Variants in SOWAHA observed in about 807,000 individuals in gnomAD.
The protein encoded by SOWAHA is sosondowah ankyrin repeat domain family member A.
A neutral mutation model predicts 21.1 loss-of-function variants in SOWAHA; 17 were observed. That is an observed-to-expected ratio of 0.80 (90% CI 0.55 to 1.21). The LOEUF is 1.21. Ranked by LOEUF, SOWAHA falls within the 50% of genes most tolerant of loss-of-function variation. SOWAHA has a pLI of 0.00. For missense variants in SOWAHA, 862 were observed against 816.0 expected, an observed-to-expected ratio of 1.06 and a Z score of -0.69; for synonymous variants, 422 against 397.1, an observed-to-expected ratio of 1.06 and a Z score of -0.75.
rs1045187109 is a variant in SOWAHA, at chr5:132,815,813, T to C, written c.*542T>C. The C allele has an allele frequency of 1.2e-5, 2 of 166,902 alleles. No homozygotes were observed. The highest frequency in any genetic ancestry group is 1.3e-4 in the Admixed American group (2 of 15,292). 10.3% of individuals were successfully genotyped at this position (166,902 alleles called of 1,614,324 possible). A position where few individuals can be genotyped will look rare whatever the true frequency, so the allele number is the denominator to read the frequency against. On this transcript the variant is annotated 3_prime_UTR_variant, in exon 1 of 1. Coordinates refer to ENST00000378693, the MANE Select transcript of SOWAHA (RefSeq NM_175873.6). ...AAAGTGCTTAGACATTTTCAATTTT[T>C]TTTTTGCTAAATACTTTGGAATTCT...
In SOWAHA at chr5:132,815,305, G is replaced by A; in HGVS notation, c.*34G>A. ...GGGGCTACCACCTGGTTGATCTATCGTGGCCTGCTCGTCGCAGTCCAAACC... is the reference window on the plus strand; with the variant it reads ...GGGGCTACCACCTGGTTGATCTATCATGGCCTGCTCGTCGCAGTCCAAACC... On this transcript the variant is annotated 3_prime_UTR_variant, in exon 1 of 1. Transcript: ENST00000378693. 6.4e-7 allele frequency: 1 copy of A among 1,566,798 alleles called. No homozygotes were observed. The highest frequency in any genetic ancestry group is 1.4e-5 in the African/African-American group (1 of 73,854).
At position 132,813,721 on chromosome 5, in the gene SOWAHA, G is replaced by A. The variant is rs1470085100; in HGVS notation, c.100G>A (p.Glu34Lys). 8 of 1,543,526 alleles carry A rather than the reference G, an allele frequency of 5.2e-6. No individual in the cohort carries two copies. In the Admixed American group the frequency reaches 1.6e-4, roughly 30 times the overall value. ...GCACGGCGGGAAGGTGCGCAACTCC[G>A]AGCTGCTGAGCCGCTTCAAGCCGCT... is the stretch of plus-strand genomic sequence containing the variant. ...QEHGGKVRNS[E>K]LLSRFKPLLD... The change falls in exon 1 of 1, where the codon GAG (glutamate) becomes AAG (lysine). Residue 34 changes from glutamate to lysine, a missense_variant. Coordinates refer to ENST00000378693, the MANE Select transcript of SOWAHA (RefSeq NM_175873.6).
chr5:132,814,085 C>T lies in SOWAHA; in HGVS notation c.464C>T (p.Pro155Leu). ...GGGCCGGCCTCCGAGCCCGCTCAGCCGCCCGGGGAGCGGTCCGCCGACCCA... is the reference window on the plus strand; with the variant it reads ...GGGCCGGCCTCCGAGCCCGCTCAGCTGCCCGGGGAGCGGTCCGCCGACCCA... ...PGGPASEPAQPPGERSADPPL... is the reference protein window; with the variant it reads ...PGGPASEPAQLPGERSADPPL... Residue 155 changes from proline (P) to leucine (L), a missense_variant, in exon 1 of 1, where the codon CCG becomes CTG. Pro to Leu is a moderately conservative substitution (Grantham distance 98). Coordinates refer to ENST00000378693, the MANE Select transcript of SOWAHA (RefSeq NM_175873.6). The T allele has an allele frequency of 1.3e-6, 2 of 1,586,906 alleles. No homozygotes were observed. Among genetic ancestry groups the T allele is most frequent in the Non-Finnish European group, 1.7e-6 (2 of 1,172,702 alleles).
chr5:132,814,323 G>A lies in SOWAHA; in HGVS notation c.702G>A (p.Ala234=), dbSNP rs1758349231. The change falls in exon 1 of 1, where the codon GCG becomes GCA. Residue 234 remains alanine, a synonymous_variant. Transcript: ENST00000378693. ...CCCCCGCCACGCTCCGCCTCCGGGC[G>A]GAGGAGCCCGGCCTGCGCCGGCAGC... is the stretch of plus-strand genomic sequence containing the variant. ...VPAPATLRLR[A]EEPGLRRQLS... is the part of the protein sequence containing the mutation. 2 of 1,484,962 alleles carry A rather than the reference G, an allele frequency of 1.3e-6. No individual in the cohort carries two copies. The highest frequency in any genetic ancestry group is 1.5e-5 in the African/African-American group (1 of 68,010). The allele number at this position is 1,484,962 out of a possible 1,614,324, so 92.0% of individuals were successfully genotyped here. A position where few individuals can be genotyped will look rare whatever the true frequency, so the allele number is the denominator to read the frequency against.
Position 132,814,974 on chromosome 5 carries a change from G to A in SOWAHA, c.1353G>A (p.Ala451=). The A allele has an allele frequency of 1.3e-6, 2 of 1,588,940 alleles. No homozygotes were observed. Among genetic ancestry groups the A allele is most frequent in the Non-Finnish European group, 8.6e-7 (1 of 1,168,392 alleles). ...TGCGAGGCACCACGGAGCCAGATGC[G>A]ACCGGTGGTGGAAGTGGCAGTCTTG... ...PGLRGTTEPD[A]TGGGSGSLAA... Residue 451 remains alanine, a synonymous_variant, in exon 1 of 1, where the codon GCG becomes GCA. Transcript: ENST00000378693.
Position 132,813,748 on chromosome 5 carries a change from C to G in SOWAHA, c.127C>G (p.Leu43Val). The part of the protein sequence containing the change: ...SELLSRFKPL[L>V]DAGDPRGRAA... ...GCTGCTGAGCCGCTTCAAGCCGCTGCTCGATGCCGGCGACCCGCGGGGCCG... is the reference window on the plus strand; with the variant it reads ...GCTGCTGAGCCGCTTCAAGCCGCTGGTCGATGCCGGCGACCCGCGGGGCCG... The change falls in exon 1 of 1, where the codon CTC becomes GTC. Residue 43 changes from leucine (L) to valine (V), a missense_variant. Physicochemically the swap from Leu to Val is conservative, Grantham distance 32 (BLOSUM62 1). Transcript: ENST00000378693. 1 of 1,547,240 alleles carries G rather than the reference C, an allele frequency of 6.5e-7. No homozygotes were observed. The highest frequency in any genetic ancestry group is 8.7e-7 in the Non-Finnish European group (1 of 1,145,584).
In SOWAHA at chr5:132,815,017, C is replaced by T. The variant is rs1197473830; in HGVS notation, c.1396C>T (p.Gln466Ter). 1.2e-6 allele frequency: 2 copies of T among 1,602,448 alleles called. No homozygotes were observed. Among genetic ancestry groups the T allele is most frequent in the Non-Finnish European group, 8.5e-7 (1 of 1,174,776 alleles). ...CAGTCTTGCTGCCAGGCGCCCCGTA[C>T]AGGTGGCCGCCACCATCCTCAGTTC... ...SGSLAARRPV[Q>*]VAATILSSTT... Residue 466 changes from glutamine (Q) to a stop codon, truncating the protein, a stop_gained, in exon 1 of 1, where the codon CAG (glutamine) becomes TAG (stop). Transcript: ENST00000378693. LOFTEE classifies it high-confidence loss of function.
chr5:132,813,419 C>T lies in SOWAHA; in HGVS notation c.-203C>T, dbSNP rs1758323307. 6.6e-6 allele frequency among the ~76,000 whole-genome samples: 1 copy of T among 151,612 alleles called. No homozygotes were observed. The highest frequency in any genetic ancestry group is 2.1e-4 in the South Asian group (1 of 4,822). On this transcript the variant is annotated 5_prime_UTR_variant, in exon 1 of 1. Transcript: ENST00000378693. The stretch of plus-strand genomic sequence containing the variant: ...CGGGGCGCTGGGGGTGGGCGCTCCC[C>T]GCGGCCCCCGGCGCCCTTCGCCCCG...
rs564364726 is a variant in SOWAHA at position 132,815,280 on chromosome 5, G to A, written c.*9G>A. On this transcript the variant is annotated 3_prime_UTR_variant, in exon 1 of 1. Coordinates refer to ENST00000378693, the MANE Select transcript of SOWAHA (RefSeq NM_175873.6). Reference sequence around the variant, plus strand: ...TGCCTCCAACAACCTGAAGGTCCCTGGGGCTACCACCTGGTTGATCTATCG... The same window carrying A: ...TGCCTCCAACAACCTGAAGGTCCCTAGGGCTACCACCTGGTTGATCTATCG... The A allele has an allele frequency of 6.2e-7, 1 of 1,600,808 alleles. No individual in the cohort carries two copies. The highest frequency in any genetic ancestry group is 1.1e-5 in the South Asian group (1 of 89,678).
rs1436093556 is a variant in SOWAHA at position 132,814,082 on chromosome 5, A to G, written c.461A>G (p.Gln154Arg). The G allele has an allele frequency of 1.3e-5, 21 of 1,585,528 alleles. No individual in the cohort carries two copies. The highest frequency in any genetic ancestry group is 1.7e-5 in the Non-Finnish European group (20 of 1,172,110). Reference protein sequence around the residue: ...TPGGPASEPAQPPGERSADPP... With the variant: ...TPGGPASEPARPPGERSADPP... ...GGGGGGCCGGCCTCCGAGCCCGCTC[A>G]GCCGCCCGGGGAGCGGTCCGCCGAC... is the stretch of plus-strand genomic sequence containing the variant. The change falls in exon 1 of 1, where the codon CAG becomes CGG. Residue 154 changes from glutamine to arginine, a missense_variant. Physicochemically the swap from Gln to Arg is conservative, Grantham distance 43 (BLOSUM62 1). Transcript: ENST00000378693.
rs1581223392 is a variant in SOWAHA at position 132,815,484 on chromosome 5, C to T, written c.*213C>T. 1.9e-6 allele frequency: 1 copy of T among 515,802 alleles called. No individual in the cohort carries two copies. The highest frequency in any genetic ancestry group is 3.5e-6 in the Non-Finnish European group (1 of 283,160). The allele number at this position is 515,802 out of a possible 1,614,324, so 32.0% of individuals were successfully genotyped here. A position where few individuals can be genotyped will look rare whatever the true frequency, so the allele number is the denominator to read the frequency against. On this transcript the variant is annotated 3_prime_UTR_variant, in exon 1 of 1. Transcript: ENST00000378693. The stretch of plus-strand genomic sequence containing the variant: ...ATGGGATTTGAGAAATCAGTGAGAG[C>T]TTCCTATAAAGAACTCCAGGAGACA...
chr5:132,813,545 C>T lies in SOWAHA; in HGVS notation c.-77C>T. 1 of 1,045,252 alleles carries T rather than the reference C, an allele frequency of 9.6e-7. No homozygotes were observed. 64.7% of individuals were successfully genotyped at this position (1,045,252 alleles called of 1,614,324 possible). A position where few individuals can be genotyped will look rare whatever the true frequency, so the allele number is the denominator to read the frequency against. ...CACCAGGTGAGCGCGGCCGCGCCTC[C>T]CGGAACCCCGCTCCCGCGCGTCCCG... is the stretch of plus-strand genomic sequence containing the variant. On this transcript the variant is annotated 5_prime_UTR_variant, in exon 1 of 1. Transcript: ENST00000378693.
At position 132,814,180 on chromosome 5, in the gene SOWAHA, G is replaced by A; in HGVS notation, c.559G>A (p.Ala187Thr). 1 of 1,596,986 alleles carries A rather than the reference G, an allele frequency of 6.3e-7. No homozygotes were observed. The highest frequency in any genetic ancestry group is 8.5e-7 in the Non-Finnish European group (1 of 1,178,396). The change falls in exon 1 of 1, where the codon GCC (alanine) becomes ACC (threonine). Residue 187 changes from alanine to threonine, a missense_variant. Coordinates refer to ENST00000378693, the MANE Select transcript of SOWAHA (RefSeq NM_175873.6). ...PSADAAPPPRAPSEAASPCSD... is the reference protein window; with the variant it reads ...PSADAAPPPRTPSEAASPCSD... ...CGCAGACGCGGCCCCACCGCCTAGG[G>A]CCCCTTCTGAGGCGGCATCGCCCTG... is the stretch of plus-strand genomic sequence containing the variant.
Position 132,813,504 on chromosome 5 carries a change from C to T in SOWAHA, c.-118C>T. On this transcript the variant is annotated 5_prime_UTR_variant, in exon 1 of 1. Transcript: ENST00000378693. ...GGTCCAGCTTCGGGGACACGCCCGG[C>T]TGGCCGCGGGGAAGGCACCAGGTGA... 1 of 656,654 alleles carries T rather than the reference C, an allele frequency of 1.5e-6. No individual in the cohort carries two copies. The highest frequency in any genetic ancestry group is 1.9e-6 in the Non-Finnish European group (1 of 513,194). The allele number at this position is 656,654 out of a possible 1,614,324, so 40.7% of individuals were successfully genotyped here. A position where few individuals can be genotyped will look rare whatever the true frequency, so the allele number is the denominator to read the frequency against.
rs778276971 is a variant in SOWAHA, at chr5:132,814,920, G to T, written c.1299G>T (p.Ala433=). ...ACCTGCGGCCCGGCTCCTCGTACGC[G>T]CTGCGCCGCCTTCTTGGCGATCCAG... ...YQYLRPGSSY[A]LRRLLGDPGL... Residue 433 remains alanine, a synonymous_variant, in exon 1 of 1, where the codon GCG becomes GCT. Coordinates refer to ENST00000378693, the MANE Select transcript of SOWAHA (RefSeq NM_175873.6). The T allele has an allele frequency of 6.4e-7, 1 of 1,552,210 alleles. No homozygotes were observed. The highest frequency in any genetic ancestry group is 1.9e-5 in the Admixed American group (1 of 51,650).
Position 132,813,878 on chromosome 5 carries a change from C to T in SOWAHA, c.257C>T (p.Pro86Leu), listed in dbSNP as rs1758334291. Residue 86 changes from proline to leucine, a missense_variant, in exon 1 of 1, where the codon CCG becomes CTG. Transcript: ENST00000378693. ...FVVLRKKPRP[P>L]EPEPAPFGPP... is the part of the protein sequence containing the mutation. ...GTGCTGAGGAAGAAGCCCCGGCCCCCGGAGCCCGAGCCCGCACCCTTCGGC... is the reference window on the plus strand; with the variant it reads ...GTGCTGAGGAAGAAGCCCCGGCCCCTGGAGCCCGAGCCCGCACCCTTCGGC... The T allele has an allele frequency of 1.3e-6, 2 of 1,548,264 alleles. No individual in the cohort carries two copies. The highest frequency in any genetic ancestry group is 1.7e-6 in the Non-Finnish European group (2 of 1,146,044).
Position 132,814,195 on chromosome 5 carries a change from G to T in SOWAHA, c.574G>T (p.Ala192Ser). The T allele has an allele frequency of 1.9e-6, 3 of 1,592,668 alleles. No individual in the cohort carries two copies. In the East Asian group the frequency reaches 6.7e-5, roughly 36 times the overall value. The change falls in exon 1 of 1, where the codon GCA becomes TCA. Residue 192 changes from alanine (A) to serine (S), a missense_variant. Ala to Ser is a moderately conservative substitution (Grantham distance 99). Transcript: ENST00000378693. Reference sequence around the variant, plus strand: ...ACCGCCTAGGGCCCCTTCTGAGGCGGCATCGCCCTGCTCTGATCCGCCAGA... The same window carrying T: ...ACCGCCTAGGGCCCCTTCTGAGGCGTCATCGCCCTGCTCTGATCCGCCAGA... ...APPPRAPSEAASPCSDPPDAE... is the reference protein window; with the variant it reads ...APPPRAPSEASSPCSDPPDAE...
Position 132,814,634 on chromosome 5 carries a change from C to T in SOWAHA, c.1013C>T (p.Ala338Val). Residue 338 changes from alanine to valine, a missense_variant, in exon 1 of 1, where the codon GCG becomes GTG. Physicochemically the swap from Ala to Val is moderately conservative, Grantham distance 64. Transcript: ENST00000378693. ...CTGCTGCTGCGCGACCGCGGCTTGG[C>T]GGCCAAGCGCGACTTCATGTCTGGC... is the stretch of plus-strand genomic sequence containing the variant. ...HGLLLRDRGLAAKRDFMSGFT... is the reference protein window; with the variant it reads ...HGLLLRDRGLVAKRDFMSGFT... 6.6e-7 allele frequency: 1 copy of T among 1,521,048 alleles called. No homozygotes were observed. Among genetic ancestry groups the T allele is most frequent in the South Asian group, 1.2e-5 (1 of 82,366 alleles). 94.2% of individuals were successfully genotyped at this position (1,521,048 alleles called of 1,614,324 possible). A position where few individuals can be genotyped will look rare whatever the true frequency, so the allele number is the denominator to read the frequency against.
Position 132,814,283 on chromosome 5 carries a change from T to G in SOWAHA, c.662T>G (p.Val221Gly), listed in dbSNP as rs758289575. 2.1e-4 allele frequency: 317 copies of G among 1,505,042 alleles called. No individual in the cohort carries two copies. Among genetic ancestry groups the G allele is most frequent in the Admixed American group, 3.3e-4 (16 of 47,886 alleles). The allele number at this position is 1,505,042 out of a possible 1,614,324, so 93.2% of individuals were successfully genotyped here. A position where few individuals can be genotyped will look rare whatever the true frequency, so the allele number is the denominator to read the frequency against. ...CAGCAGAAGCCCTGTATGCTGCCGG[T>G]GCGCTGCGTCCCGGCCCCCGCCACG... ...PPQQKPCMLP[V>G]RCVPAPATLR... is the part of the protein sequence containing the mutation. The change falls in exon 1 of 1, where the codon GTG becomes GGG. Residue 221 changes from valine (V) to glycine (G), a missense_variant. Physicochemically the swap from Val to Gly is moderately radical, Grantham distance 109. Transcript: ENST00000378693.
Sources: gnomAD v4.1 joint callset for allele counts (sites outside exome capture counted in the v4.1 genomes callset) on GRCh38, gnomAD v4.1.1 for gene constraint, MANE v1.5 for transcripts, NCBI Gene and HGNC (gene_info 2026-07-23, HGNC 2026-07-21) for gene names.